The following SGCZ variants were observed in gnomAD, a reference collection of about 807,000 sequenced individuals.
SGCZ encodes the protein sarcoglycan zeta, also known as zeta-sarcoglycan.
Under a neutral mutation model 41.3 loss-of-function variants are expected in SGCZ, and 40 were observed. The ratio of observed to expected loss-of-function variants is 0.97; its 90% CI spans 0.75 to 1.26. SGCZ has a LOEUF of 1.26. SGCZ is among the 50% of genes most tolerant of loss of function. SGCZ has a pLI of 0.00. For synonymous variants in SGCZ, 206 were observed against 137.5 expected (o/e 1.50, Z -3.49); for missense variants, 552 against 369.8 (o/e 1.49, Z -4.04).
chr8:14,388,710 C>G (rs1804659017), intron 2 of SGCZ, among the ~76,000 whole-genome samples: 2 of 151,506 alleles, frequency 1.3e-5, no homozygotes, highest in African/African-American at 4.9e-5. Context: ...TGAAGATGAA[C>G]AAGCAATGAT....
intron 1 of SGCZ, among the ~76,000 whole-genome samples, chr8:14,872,011 C>A (rs1804174509): frequency 6.6e-6 from 1 of 151,680 alleles, no homozygotes; most frequent in Admixed American, 6.6e-5. Context: ...AGTTCATGTC[C>A]TTTGCAGGAA....
intron 2 of SGCZ, among the ~76,000 whole-genome samples, chr8:14,380,499 C>A (rs1026020247): frequency 2.0e-5 from 3 of 152,134 alleles, no homozygotes; most frequent in Non-Finnish European, 4.4e-5. Flanking sequence ...AACACTTTAT[C>A]AATTCATTTT....
chr8:14,217,576 T>C (rs1806043381), intron 4 of SGCZ, among the ~76,000 whole-genome samples: 1 of 150,980 alleles, frequency 6.6e-6, no homozygotes, highest in Non-Finnish European at 1.5e-5. Flanking sequence ...AAGCACATGA[T>C]GATTTTGAGA....
intron 1 of SGCZ, among the ~76,000 whole-genome samples, chr8:14,621,350 C>T (rs913138724): frequency 6.6e-5 from 10 of 151,228 alleles, no homozygotes; most frequent in East Asian, 3.9e-4. Context: ...GACAAGTTAA[C>T]GGGTGCAGCA....
intron 2 of SGCZ, among the ~76,000 whole-genome samples, chr8:14,393,611 T>C (rs1804865806): frequency 1.3e-5 from 2 of 152,146 alleles, no homozygotes; most frequent in South Asian, 4.1e-4. Context: ...GCTGGTCCTT[T>C]CCACTGAGAG....
chr8:14,731,874 C>T (rs1393308671), intron 1 of SGCZ, among the ~76,000 whole-genome samples: 1 of 152,114 alleles, frequency 6.6e-6, no homozygotes, highest in Non-Finnish European at 1.5e-5. Flanking sequence ...TTAAGCTCCC[C>T]ACTCAAAACA....
chr8:14,248,794 T>C (rs1369070689), intron 3 of SGCZ, among the ~76,000 whole-genome samples: 1 of 152,116 alleles, frequency 6.6e-6, no homozygotes, highest in Admixed American at 6.6e-5. Context: ...TATGAGGGGT[T>C]TTAAATATCT....
chr8:14,430,841 G>A (rs941215203), intron 2 of SGCZ, among the ~76,000 whole-genome samples: 1 of 152,160 alleles, frequency 6.6e-6, no homozygotes, highest in African/African-American at 2.4e-5. Flanking sequence ...TAAGAATTCA[G>A]CAAAGTTTCC....
intron 4 of SGCZ, among the ~76,000 whole-genome samples, chr8:14,196,942 A>C (rs1368693158): frequency 6.6e-6 from 1 of 152,168 alleles, no homozygotes; most frequent in African/African-American, 2.4e-5. Flanking sequence ...TTCATGGATG[A>C]CGGAAAGGCA....
At chr8:14,682,098 C>G (rs1238112611) in intron 1 of SGCZ, among the ~76,000 whole-genome samples, 1 of 151,988 alleles carries the variant, frequency 6.6e-6, no homozygotes, top group African/African-American at 2.4e-5. Flanking sequence ...AGCCCTGGGG[C>G]ATAATCTATT....
intron 1 of SGCZ, among the ~76,000 whole-genome samples, chr8:14,648,634 T>C (rs949004774): frequency 6.6e-6 from 1 of 152,124 alleles, no homozygotes. Flanking sequence ...ATTTAATTTC[T>C]TTAAATTTCT....
At chr8:15,156,865 A>C (rs1373832791) in intron 1 of SGCZ, among the ~76,000 whole-genome samples, 1 of 151,758 alleles carries the variant, frequency 6.6e-6, no homozygotes, top group Non-Finnish European at 1.5e-5. Flanking sequence ...GATTCGCTTG[A>C]ACCCAGGAGA....
chr8:14,431,808 T>G (rs377337022), intron 2 of SGCZ, among the ~76,000 whole-genome samples: 4 of 152,136 alleles, frequency 2.6e-5, no homozygotes, highest in Non-Finnish European at 5.9e-5. Flanking sequence ...ATATCCAGAA[T>G]CTACAACCAA....
rs1024762035 is a variant in SGCZ at position 14,308,607 on chromosome 8, C to A, written c.336+15496G>T. Among the ~76,000 whole-genome samples the A allele has an allele frequency of 4.6e-5, 7 of 151,590 alleles. No homozygotes were observed. The East Asian group carries it at 1.2e-3, about 25-fold the overall frequency. ...CTATGATTTTATTTAAGAAACAATG[C>A]CACGTCTAAAAAAAATTTATAAAAC... On this transcript the variant is annotated intron_variant, in intron 3 of 7. Coordinates refer to ENST00000382080, the MANE Select transcript of SGCZ (RefSeq NM_139167.4).
chr8:15,072,374 A>C (rs1805387657), intron 1 of SGCZ, among the ~76,000 whole-genome samples: 1 of 152,212 alleles, frequency 6.6e-6, no homozygotes, highest in South Asian at 2.1e-4. Context: ...TAGCAACATC[A>C]ACAAAAAACC....
intron 4 of SGCZ, among the ~76,000 whole-genome samples, chr8:14,235,707 C>G (rs866910226): frequency 1.3e-5 from 2 of 152,190 alleles, no homozygotes; most frequent in Middle Eastern, 6.8e-3. Flanking sequence ...TTTTTTGAGA[C>G]AGAGTCTCAC....
At position 14,086,511 on chromosome 8, in the gene SGCZ, C is replaced by T. The variant is rs531126337; in HGVS notation, c.*3932G>A. On this transcript the variant is annotated 3_prime_UTR_variant, in exon 8 of 8. Coordinates refer to ENST00000382080, the MANE Select transcript of SGCZ (RefSeq NM_139167.4). Reference sequence around the variant, plus strand: ...CAGTTCAGCAATTAACCTCTGTGATCACATTATCATTTCTTCAAAAGATCA... The same window carrying T: ...CAGTTCAGCAATTAACCTCTGTGATTACATTATCATTTCTTCAAAAGATCA... Among the ~76,000 whole-genome samples, 300 of 151,842 alleles carry T rather than the reference C, an allele frequency of 2.0e-3. 2 individuals carry two copies. The highest frequency in any genetic ancestry group is 7.0e-3 in the African/African-American group (291 of 41,514).
At chr8:14,842,049 T>C (rs1348817452) in intron 1 of SGCZ, among the ~76,000 whole-genome samples, 2 of 152,182 alleles carry the variant, frequency 1.3e-5, no homozygotes, top group Non-Finnish European at 2.9e-5. Context: ...ATCAGCTTCA[T>C]CAAATCCTGG....
At chr8:14,747,787 G>A (rs1036424458) in intron 1 of SGCZ, among the ~76,000 whole-genome samples, 1 of 148,272 alleles carries the variant, frequency 6.7e-6, no homozygotes, top group Non-Finnish European at 1.5e-5. Context: ...ATCTCTGCTC[G>A]CTGCAACCTC....
Sources: allele counts gnomAD v4.1 joint callset (sites outside exome capture counted in the v4.1 genomes callset), GRCh38; gene constraint gnomAD v4.1.1; transcripts MANE v1.5; gene names NCBI Gene and HGNC (gene_info 2026-07-23, HGNC 2026-07-21).